OPN3: variants seen among roughly 807,000 people sequenced by gnomAD.
OPN3 encodes the protein opsin 3, also known as opsin-3.
Under a neutral mutation model 33.8 loss-of-function variants are expected in OPN3, and 29 were observed. The observed-to-expected ratio is 0.86, with a 90% confidence interval of 0.64 to 1.17. The LOEUF is 1.17. OPN3 is among the 50% of genes most tolerant of loss of function. The pLI, the probability that OPN3 is intolerant of heterozygous loss-of-function variation, is 0.00. For missense variants in OPN3, 437 were observed against 514.1 expected (o/e 0.85, Z 1.45); for synonymous variants, 216 against 216.1 (o/e 1.00, Z 0.00).
At chr1:241,625,017 T>C (rs933319344) in intron 1 of OPN3, among the ~76,000 whole-genome samples, 3 of 152,208 alleles carry the variant, frequency 2.0e-5, no homozygotes, top group African/African-American at 7.2e-5. Flanking sequence ...GTGCTAAGTG[T>C]TAGTTACAAT....
At position 241,597,754 on chromosome 1, in the gene OPN3, T is replaced by C; in HGVS notation, c.937A>G (p.Ile313Val). 1 of 1,612,582 alleles carries C rather than the reference T, an allele frequency of 6.2e-7. No homozygotes were observed. The highest frequency in any genetic ancestry group is 8.5e-7 in the Non-Finnish European group (1 of 1,179,122). The change falls in exon 3 of 4, where the codon ATC (isoleucine) becomes GTC (valine). Residue 313 changes from isoleucine (I) to valine (V), a missense_variant. Physicochemically the swap from Ile to Val is conservative, Grantham distance 29. Transcript: ENST00000366554. ...VYNPVIYVFM[I>V]RKFRRSLLQL... ...TTAATTGCAAAGCTTACCTTTCTGA[T>C]CATGAAGACATAAATCACTGGATTG... is the stretch of plus-strand genomic sequence containing the variant.
intron 1 of OPN3, among the ~76,000 whole-genome samples, chr1:241,625,852 CTT>C (rs1664407440): frequency 6.6e-6 from 1 of 152,106 alleles, no homozygotes; most frequent in Non-Finnish European, 1.5e-5. Context: ...CTGGATAATT[CTT>C]TGTTATGAGG....
chr1:241,633,187 T>C (rs1163203434), intron 1 of OPN3: 1 of 152,442 alleles, frequency 6.6e-6, no homozygotes, highest in Non-Finnish European at 1.5e-5. Flanking sequence ...GTCAAGTGAG[T>C]ATTATAAACT....
chr1:241,622,174 C>G (rs529152304), intron 1 of OPN3, among the ~76,000 whole-genome samples: 34 of 152,252 alleles, frequency 2.2e-4, no homozygotes, highest in Admixed American at 7.2e-4. Context: ...ACTGATATAT[C>G]TAACTACCTC....
chr1:241,605,528 C>T (rs1391109362), intron 1 of OPN3, among the ~76,000 whole-genome samples: 1 of 152,230 alleles, frequency 6.6e-6, no homozygotes, highest in Non-Finnish European at 1.5e-5. Context: ...GTAAGGTACT[C>T]ACTTAACAAG....
chr1:241,622,913 A>G (rs553639746), intron 1 of OPN3, among the ~76,000 whole-genome samples: 12 of 152,254 alleles, frequency 7.9e-5, no homozygotes, highest in Non-Finnish European at 1.5e-4. Context: ...GCCTGAAGCA[A>G]TGTCATCAGG....
rs1663698063 is a variant in OPN3 at position 241,602,304 on chromosome 1, A to G, written c.693+1956T>C. Reference sequence around the variant, plus strand: ...TTGGCAATAGTCTCAAACGCTGAGGATGCTAGAAAGGAATAAAAATGTGTC... The same window carrying G: ...TTGGCAATAGTCTCAAACGCTGAGGGTGCTAGAAAGGAATAAAAATGTGTC... On this transcript the variant is annotated intron_variant, in intron 2 of 3. Transcript: ENST00000366554. Among the ~76,000 whole-genome samples the G allele has an allele frequency of 2.0e-5, 3 of 152,218 alleles. 1 individual carries two copies. Among genetic ancestry groups the G allele is most frequent in the African/African-American group, 7.2e-5 (3 of 41,466 alleles).
rs558497755 is a variant in OPN3, at chr1:241,632,808, T to C, written c.373+7074A>G. 3 of 152,238 alleles carry C rather than the reference T, an allele frequency of 2.0e-5. No individual in the cohort carries two copies. In the East Asian group the frequency reaches 5.8e-4, roughly 29 times the overall value. 9.4% of individuals were successfully genotyped at this position (152,238 alleles called of 1,614,324 possible). A position where few individuals can be genotyped will look rare whatever the true frequency, so the allele number is the denominator to read the frequency against. ...TATGTTTCATTCTCACTGAAAAACC[T>C]TGGGTAATCTATTTATAGAGGGTTT... On this transcript the variant is annotated intron_variant, in intron 1 of 3. Transcript: ENST00000366554.
intron 1 of OPN3, among the ~76,000 whole-genome samples, chr1:241,609,232 C>G (rs750768582): frequency 6.6e-6 from 1 of 152,128 alleles, no homozygotes; most frequent in Non-Finnish European, 1.5e-5. Flanking sequence ...AACTGGGTGC[C>G]GGTTATGCAC....
rs1026587582 is a variant in OPN3 at position 241,593,214 on chromosome 1, A to G, written c.*1214T>C. 3.2e-5 allele frequency: 8 copies of G among 253,394 alleles called. No individual in the cohort carries two copies. The highest frequency in any genetic ancestry group is 1.7e-4 in the African/African-American group (8 of 45,754). The allele number at this position is 253,394 out of a possible 1,614,324, so 15.7% of individuals were successfully genotyped here. ...AAGGGGAGACAACTTTTATAGAAAT[A>G]CAAAGCCATTACTTTATTCAATTTC... On this transcript the variant is annotated 3_prime_UTR_variant, in exon 4 of 4. Transcript: ENST00000366554.
chr1:241,639,883 G>T lies in OPN3; in HGVS notation c.372C>A (p.Phe124Leu), dbSNP rs774179239. Residue 124 changes from phenylalanine to leucine, a missense_variant and splice_region_variant, in exon 1 of 4, where the codon TTC (phenylalanine) becomes TTA (leucine). Coordinates refer to ENST00000366554, the MANE Select transcript of OPN3 (RefSeq NM_014322.3). Reference sequence around the variant, plus strand: ...CTGCCTTCTCCCAGTCCAACTCACCGAAGAGGCTGCCGCTAAACCCGTCCC... The same window carrying T: ...CTGCCTTCTCCCAGTCCAACTCACCTAAGAGGCTGCCGCTAAACCCGTCCC... Reference protein sequence around the residue: ...CVWDGFSGSLFGIVSIATLTV... With the variant: ...CVWDGFSGSLLGIVSIATLTV... The T allele has an allele frequency of 1.3e-6, 2 of 1,569,466 alleles. No individual in the cohort carries two copies. Among genetic ancestry groups the T allele is most frequent in the East Asian group, 2.4e-5 (1 of 41,594 alleles).
At chr1:241,601,986 G>T (rs1449204547) in intron 2 of OPN3, among the ~76,000 whole-genome samples, 1 of 152,174 alleles carries the variant, frequency 6.6e-6, no homozygotes, top group Non-Finnish European at 1.5e-5. Context: ...CCAAGTGGAG[G>T]TGTTCAAGAG....
Position 241,604,360 on chromosome 1 carries a change from T to A in OPN3, c.593A>T (p.Asn198Ile). ...TAAGAAAAGCACAAAGGAGGAATCGTTGGCATCCTTGGATTTCCAGTCCAC... is the reference window on the plus strand; with the variant it reads ...TAAGAAAAGCACAAAGGAGGAATCGATGGCATCCTTGGATTTCCAGTCCAC... ...CTVDWKSKDA[N>I]DSSFVLFLFL... is the part of the protein sequence containing the mutation. The change falls in exon 2 of 4, where the codon AAC (asparagine) becomes ATC (isoleucine). Residue 198 changes from asparagine to isoleucine, a missense_variant. Coordinates refer to ENST00000366554, the MANE Select transcript of OPN3 (RefSeq NM_014322.3). 1 of 1,614,148 alleles carries A rather than the reference T, an allele frequency of 6.2e-7. No individual in the cohort carries two copies. Among genetic ancestry groups the A allele is most frequent in the South Asian group, 1.1e-5 (1 of 91,082 alleles).
chr1:241,616,351 C>T (rs1428733727), intron 1 of OPN3, among the ~76,000 whole-genome samples: 3 of 152,152 alleles, frequency 2.0e-5, no homozygotes. Flanking sequence ...AGCATGCTGG[C>T]TATTAAGAAA....
chr1:241,594,457 C>A lies in OPN3; in HGVS notation c.1180G>T (p.Val394Phe). The change falls in exon 4 of 4, where the codon GTT becomes TTT. Residue 394 changes from valine to phenylalanine, a missense_variant. Physicochemically the swap from Val to Phe is conservative, Grantham distance 50. Coordinates refer to ENST00000366554, the MANE Select transcript of OPN3 (RefSeq NM_014322.3). ...AAAGGACGAACTTGGATTACATCAA[C>A]TTTGGACCCATTGGTTTTGTCGCTG... is the stretch of plus-strand genomic sequence containing the variant. ...DDSDKTNGSK[V>F]DVIQVRPL is the part of the protein sequence containing the mutation. 6.2e-7 allele frequency: 1 copy of A among 1,614,074 alleles called. No homozygotes were observed. The highest frequency in any genetic ancestry group is 8.5e-7 in the Non-Finnish European group (1 of 1,179,978).
At chr1:241,608,326 TATTC>T (rs1405240292) in intron 1 of OPN3, among the ~76,000 whole-genome samples, 11 of 152,244 alleles carry the variant, frequency 7.2e-5, no homozygotes, top group Admixed American at 6.5e-4. Flanking sequence ...CATGTTCATA[TATTC>T]ATTCATTCAT....
At chr1:241,637,574 A>G (rs1446307137) in intron 1 of OPN3, among the ~76,000 whole-genome samples, 1 of 152,234 alleles carries the variant, frequency 6.6e-6, no homozygotes, top group Non-Finnish European at 1.5e-5. Flanking sequence ...CTTGGCTTAG[A>G]AAGACAGGGC....
chr1:241,599,349 T>A (rs1663620728), intron 2 of OPN3, among the ~76,000 whole-genome samples: 1 of 152,098 alleles, frequency 6.6e-6, no homozygotes, highest in African/African-American at 2.4e-5. Flanking sequence ...CCAATTACTT[T>A]AAAAAATCAA....
chr1:241,608,479 T>G (rs1358583437), intron 1 of OPN3, among the ~76,000 whole-genome samples: 1 of 152,004 alleles, frequency 6.6e-6, no homozygotes, highest in African/African-American at 2.4e-5. Flanking sequence ...AACAAGCAAA[T>G]CAGTGCAGTG....
Sources: gnomAD v4.1 joint callset for allele counts (sites outside exome capture counted in the v4.1 genomes callset) on GRCh38, gnomAD v4.1.1 for gene constraint, MANE v1.5 for transcripts, NCBI Gene and HGNC (gene_info 2026-07-23, HGNC 2026-07-21) for gene names.